PLEKHA5: variants seen among roughly 807,000 people sequenced by gnomAD.
PLEKHA5 encodes pleckstrin homology domain containing A5.
A neutral mutation model predicts 181.9 loss-of-function variants in PLEKHA5; 55 were observed. The ratio of observed to expected loss-of-function variants is 0.30; its 90% confidence interval spans 0.24 to 0.38. The LOEUF is 0.38. PLEKHA5 is among the 10% of genes least tolerant of loss of function. The probability of loss-of-function intolerance (pLI) is 1.00; values close to 1 mark genes in which losing one functional copy is unlikely to be tolerated. For missense variants in PLEKHA5, 1,432 were observed against 1,549.5 expected, an observed-to-expected ratio of 0.92 and a Z score of 1.27; for synonymous variants, 535 against 529.4, an observed-to-expected ratio of 1.01 and a Z score of -0.15.
chr12:19,345,402 AAAAAAATAAAAAT>A (rs1370030780), intron 22 of PLEKHA5, among the ~76,000 whole-genome samples: 4 of 151,782 alleles, frequency 2.6e-5, no homozygotes, highest in East Asian at 1.9e-4. Flanking sequence ...TCTGTCTCAA[AAAAAAATAAAAAT>A]AAAAAATAAA....
intron 15 of PLEKHA5, among the ~76,000 whole-genome samples, chr12:19,310,542 A>AGAGGTTGAAGT (rs2086085357): frequency 6.6e-6 from 1 of 150,816 alleles, no homozygotes; most frequent in Non-Finnish European, 1.5e-5. Flanking sequence ...CTCGGGAGGC[A>AGAGGTTGAAGT]GAGGTTGAAG....
chr12:19,179,337 G>A (rs114070945), intron 3 of PLEKHA5, among the ~76,000 whole-genome samples: 101 of 152,216 alleles, frequency 6.6e-4, no homozygotes, highest in African/African-American at 2.4e-3. Flanking sequence ...GACTGGAGGG[G>A]AACCTGAAAA....
chr12:19,233,843 C>T (rs940420119), intron 3 of PLEKHA5, among the ~76,000 whole-genome samples: 29 of 152,096 alleles, frequency 1.9e-4, no homozygotes, highest in Admixed American at 1.3e-4. Flanking sequence ...ATAGAGATAA[C>T]GTGAAAAGAG....
At chr12:19,168,197 AATCGG>A (rs1207086671) in intron 3 of PLEKHA5, among the ~76,000 whole-genome samples, 1 of 152,174 alleles carries the variant, frequency 6.6e-6, no homozygotes, top group African/African-American at 2.4e-5. Context: ...ATTCTTAGAT[AATCGG>A]AAGGAATCAC....
At chr12:19,179,195 T>G (rs2047978598) in intron 3 of PLEKHA5, among the ~76,000 whole-genome samples, 2 of 152,234 alleles carry the variant, frequency 1.3e-5, no homozygotes, top group Admixed American at 1.3e-4. Flanking sequence ...GCTCTTTTTA[T>G]TATTCCATTT....
chr12:19,315,401 A>G lies in PLEKHA5; in HGVS notation c.2118+507A>G, dbSNP rs1358400660. 3.9e-5 allele frequency among the ~76,000 whole-genome samples: 6 copies of G among 152,122 alleles called. No individual in the cohort carries two copies. In the East Asian group the frequency reaches 9.6e-4, roughly 24 times the overall value. On this transcript the variant is annotated intron_variant, in intron 16 of 31. Coordinates refer to ENST00000429027, the MANE Select transcript of PLEKHA5 (RefSeq NM_001256470.2). ...CTTAAAGATAGCCACTTTTTAACAT[A>G]CTGGGGGTATTTTGTCGCTGTATTC... is the stretch of plus-strand genomic sequence containing the variant.
intron 3 of PLEKHA5, chr12:19,207,751 G>A (rs2055926633): frequency 6.6e-6 from 1 of 152,078 alleles, no homozygotes; most frequent in Non-Finnish European, 1.5e-5. Flanking sequence ...TAAACATTTG[G>A]CAAGCATTTC....
intron 22 of PLEKHA5, among the ~76,000 whole-genome samples, chr12:19,344,079 C>T (rs745641753): frequency 6.6e-6 from 1 of 151,676 alleles, no homozygotes; most frequent in African/African-American, 2.4e-5. Context: ...TTCTCAGCTG[C>T]ATTATAATCT....
chr12:19,310,878 T>A (rs2086247441), intron 15 of PLEKHA5, among the ~76,000 whole-genome samples: 1 of 152,262 alleles, frequency 6.6e-6, no homozygotes, highest in East Asian at 1.9e-4. Context: ...AAAAAAATCC[T>A]GTATTGCTAA....
chr12:19,294,360 C>T (rs577100548), intron 15 of PLEKHA5, among the ~76,000 whole-genome samples: 13 of 152,168 alleles, frequency 8.5e-5, no homozygotes, highest in South Asian at 2.1e-4. Flanking sequence ...GTACCAGGTC[C>T]GTTGCTTTTG....
chr12:19,366,328 T>C (rs1355925706), intron 30 of PLEKHA5, among the ~76,000 whole-genome samples: 16 of 152,120 alleles, frequency 1.1e-4, no homozygotes, highest in Admixed American at 9.8e-4. Context: ...TGCTTTTTCC[T>C]TTCAATTTTA....
chr12:19,143,570 T>C (rs896917026), intron 3 of PLEKHA5, among the ~76,000 whole-genome samples: 9 of 152,166 alleles, frequency 5.9e-5, no homozygotes, highest in African/African-American at 2.2e-4. Context: ...TATGCATATA[T>C]AACACATAAT....
intron 5 of PLEKHA5, 135 bp downstream of exon 5, chr12:19,255,300 G>T: frequency 2.0e-6 from 1 of 493,506 alleles, no homozygotes; most frequent in Non-Finnish European, 3.2e-6. Context: ...ATTGATATAA[G>T]AAGCAACAGC....
At chr12:19,216,954 A>C (rs552751433) in intron 3 of PLEKHA5, among the ~76,000 whole-genome samples, 33 of 152,274 alleles carry the variant, frequency 2.2e-4, no homozygotes, top group Non-Finnish European at 4.4e-4. Flanking sequence ...TTCTTTTCTC[A>C]ATACTGTAAT....
At chr12:19,164,498 C>G (rs1238091979) in intron 3 of PLEKHA5, among the ~76,000 whole-genome samples, 1 of 152,082 alleles carries the variant, frequency 6.6e-6, no homozygotes, top group Non-Finnish European at 1.5e-5. Flanking sequence ...CCTGGCCTTT[C>G]CAGATTATTT....
chr12:19,250,039 A>G (rs1184095875), intron 3 of PLEKHA5, among the ~76,000 whole-genome samples: 1 of 152,138 alleles, frequency 6.6e-6, no homozygotes, highest in Non-Finnish European at 1.5e-5. Flanking sequence ...GCCTCTACCC[A>G]CTAGACACCA....
intron 23 of PLEKHA5, among the ~76,000 whole-genome samples, chr12:19,346,359 G>A (rs898276713): frequency 6.6e-5 from 10 of 152,116 alleles, no homozygotes; most frequent in African/African-American, 1.4e-4. Context: ...AAATTGGGGG[G>A]CCAGGTGCAG....
In PLEKHA5 at chr12:19,283,348, C is replaced by T. The variant is rs1207076463; in HGVS notation, c.1382C>T (p.Pro461Leu). Reference sequence around the variant, plus strand: ...AGAGCCCAGATTATGGCCCGCTACCCTGAAGGTTATAGAACACTCCCAAGA... The same window carrying T: ...AGAGCCCAGATTATGGCCCGCTACCTTGAAGGTTATAGAACACTCCCAAGA... Reference protein sequence around the residue: ...SHRAQIMARYPEGYRTLPRNS... With the variant: ...SHRAQIMARYLEGYRTLPRNS... Residue 461 changes from proline (P) to leucine (L), a missense_variant, in exon 12 of 32, where the codon CCT becomes CTT. Transcript: ENST00000429027. The T allele has an allele frequency of 5.0e-6, 8 of 1,613,894 alleles. No individual in the cohort carries two copies. The highest frequency in any genetic ancestry group is 6.8e-6 in the Non-Finnish European group (8 of 1,179,992).
chr12:19,159,270 A>C (rs1183625224), intron 3 of PLEKHA5, among the ~76,000 whole-genome samples: 1 of 152,052 alleles, frequency 6.6e-6, no homozygotes, highest in Non-Finnish European at 1.5e-5. Context: ...TTATTCCTTT[A>C]CTTAAAATCT....
Sources: gnomAD v4.1 joint callset for allele counts (sites outside exome capture counted in the v4.1 genomes callset) on GRCh38, gnomAD v4.1.1 for gene constraint, MANE v1.5 for transcripts, NCBI Gene and HGNC (gene_info 2026-07-23, HGNC 2026-07-21) for gene names.